Variants in RBFOX1 observed in about 807,000 individuals in gnomAD.
RBFOX1 encodes RNA binding protein fox-1 homolog 1.
Under a neutral mutation model 57.7 loss-of-function variants are expected in RBFOX1, and 8 were observed. The ratio of observed to expected loss-of-function variants is 0.14; its 90% confidence interval spans 0.08 to 0.25. RBFOX1 has a LOEUF of 0.25. Ranked by LOEUF, RBFOX1 falls within the 10% of genes least tolerant of loss-of-function variation. RBFOX1 has a pLI of 1.00. For synonymous variants in RBFOX1, 326 were observed against 222.4 expected, an observed-to-expected ratio of 1.47 and a Z score of -4.15; for missense variants, 611 against 548.5, an observed-to-expected ratio of 1.11 and a Z score of -1.14.
intron 1 of RBFOX1, among the ~76,000 whole-genome samples, chr16:6,092,073 G>C (rs2096183336): frequency 6.6e-6 from 1 of 152,076 alleles, no homozygotes; most frequent in South Asian, 2.1e-4. Context: ...AGAGTACCTA[G>C]CAATCCTTCT....
intron 4 of RBFOX1, among the ~76,000 whole-genome samples, chr16:7,056,159 A>T (rs986871663): frequency 1.3e-5 from 2 of 152,172 alleles, no homozygotes; most frequent in Non-Finnish European, 2.9e-5. Flanking sequence ...GATGCTGTCC[A>T]TGAGCTTCCT....
chr16:6,988,751 G>GT (rs1491218767), intron 3 of RBFOX1, among the ~76,000 whole-genome samples: 1 of 54,710 alleles, frequency 1.8e-5, no homozygotes, highest in African/African-American at 4.6e-5. Context: ...TTGTTTGTTT[G>GT]TTTTTTGTTT....
At chr16:6,749,655 G>T (rs1027439880) in intron 3 of RBFOX1, among the ~76,000 whole-genome samples, 1 of 152,060 alleles carries the variant, frequency 6.6e-6, no homozygotes, top group East Asian at 1.9e-4. Flanking sequence ...CTCCTAATCA[G>T]TACATCAGGG....
At chr16:6,190,460 C>T (rs535633034) in intron 1 of RBFOX1, among the ~76,000 whole-genome samples, 3 of 152,222 alleles carry the variant, frequency 2.0e-5, no homozygotes, top group African/African-American at 7.2e-5. Context: ...ATGGAATGAA[C>T]TACTTAGTTT....
At chr16:7,161,327 A>C (rs2078279946) in intron 4 of RBFOX1, among the ~76,000 whole-genome samples, 1 of 151,882 alleles carries the variant, frequency 6.6e-6, no homozygotes, top group Non-Finnish European at 1.5e-5. Flanking sequence ...GTTTTAAATG[A>C]ATGTTCTTTA....
At chr16:6,749,123 A>G (rs1568451456) in intron 3 of RBFOX1, among the ~76,000 whole-genome samples, 1 of 152,220 alleles carries the variant, frequency 6.6e-6, no homozygotes, top group Admixed American at 6.5e-5. Flanking sequence ...TCACTGAGCA[A>G]CTACTAGGAA....
intron 4 of RBFOX1, among the ~76,000 whole-genome samples, chr16:6,001,306 A>G (rs2060595597): frequency 1.3e-5 from 2 of 152,168 alleles, no homozygotes; most frequent in Admixed American, 6.5e-5. Flanking sequence ...TGTAGGATTT[A>G]TGTAAGAGTT....
At chr16:5,401,538 C>T (rs948117951) in intron 1 of RBFOX1, among the ~76,000 whole-genome samples, 12 of 152,116 alleles carry the variant, frequency 7.9e-5, no homozygotes, top group Admixed American at 7.2e-4. Flanking sequence ...TTGTCTGTTT[C>T]TTAATGCAGG....
At chr16:6,586,540 A>G (rs536122681) in intron 2 of RBFOX1, among the ~76,000 whole-genome samples, 5 of 152,294 alleles carry the variant, frequency 3.3e-5, no homozygotes, top group South Asian at 2.1e-4. Flanking sequence ...TGAAACATCT[A>G]TGTATATATA....
chr16:6,877,572 A>G (rs2153307028), intron 3 of RBFOX1, among the ~76,000 whole-genome samples: 1 of 152,272 alleles, frequency 6.6e-6, no homozygotes, highest in South Asian at 2.1e-4. Flanking sequence ...ACAGCCCCAG[A>G]GTCTTGTGTG....
At chr16:6,944,128 G>C (rs921154672) in intron 3 of RBFOX1, among the ~76,000 whole-genome samples, 1 of 151,864 alleles carries the variant, frequency 6.6e-6, no homozygotes, top group African/African-American at 2.4e-5. Context: ...CAGGCACAGT[G>C]GCTCTTGCCT....
At chr16:5,582,652 A>G (rs1362577550) in intron 2 of RBFOX1, among the ~76,000 whole-genome samples, 1 of 148,416 alleles carries the variant, frequency 6.7e-6, no homozygotes, top group Non-Finnish European at 1.5e-5. Context: ...CTGTGTTCAA[A>G]TGATTTTCCT....
chr16:7,667,954 G>A (rs1190778401), intron 13 of RBFOX1, among the ~76,000 whole-genome samples: 6 of 152,148 alleles, frequency 3.9e-5, no homozygotes, highest in African/African-American at 9.7e-5. Flanking sequence ...GATTACAGAC[G>A]TGAGCCACTG....
chr16:7,141,495 C>G (rs17142480), intron 4 of RBFOX1, among the ~76,000 whole-genome samples: 8,200 of 152,182 alleles, frequency 0.054, 742 homozygotes, highest in African/African-American at 0.19. Context: ...GAGCATAAAG[C>G]ACGGAAATGG....
At chr16:6,011,446 T>G (rs975831451) in intron 4 of RBFOX1, among the ~76,000 whole-genome samples, 1 of 152,176 alleles carries the variant, frequency 6.6e-6, no homozygotes, top group African/African-American at 2.4e-5. Context: ...GTTAAAGATT[T>G]AAAAACGAAG....
chr16:7,609,110 C>T (rs924508273), intron 10 of RBFOX1, among the ~76,000 whole-genome samples: 11 of 152,136 alleles, frequency 7.2e-5, no homozygotes, highest in Admixed American at 3.3e-4. Context: ...TCCATGTGTC[C>T]GCAGCAGGCA....
chr16:6,086,686 GT>G (rs2096090051), intron 1 of RBFOX1, among the ~76,000 whole-genome samples: 1 of 152,186 alleles, frequency 6.6e-6, no homozygotes, highest in South Asian at 2.1e-4. Context: ...AAAAGATGGA[GT>G]TTTGAAGAAT....
intron 4 of RBFOX1, among the ~76,000 whole-genome samples, chr16:7,417,679 C>A (rs2098497237): frequency 6.6e-6 from 1 of 152,060 alleles, no homozygotes; most frequent in African/African-American, 2.4e-5. Context: ...GCAGTGACCT[C>A]CCTCCCTGCT....
chr16:7,546,487 T>C (rs534200866), intron 5 of RBFOX1, among the ~76,000 whole-genome samples: 1 of 152,298 alleles, frequency 6.6e-6, no homozygotes, highest in East Asian at 1.9e-4. Context: ...ATAGAAAATA[T>C]AGTATATCCA....
Sources: gnomAD v4.1 joint callset for allele counts (sites outside exome capture counted in the v4.1 genomes callset) on GRCh38, gnomAD v4.1.1 for gene constraint, MANE v1.5 for transcripts, NCBI Gene and HGNC (gene_info 2026-07-23, HGNC 2026-07-21) for gene names.